Variants in PHAX observed in about 807,000 individuals in gnomAD.
PHAX encodes the protein phosphorylated adapter RNA export protein.
A neutral mutation model predicts 41.6 loss-of-function variants in PHAX; 31 were observed. The ratio of observed to expected loss-of-function variants is 0.75; its 90% confidence interval spans 0.56 to 1.01. The LOEUF is 1.01. PHAX is among the 50% of genes least tolerant of loss of function. PHAX has a pLI of 0.00. For synonymous variants in PHAX, 175 were observed against 164.9 expected (o/e 1.06, Z -0.47); for missense variants, 453 against 472.9 (o/e 0.96, Z 0.39).
chr5:126,614,784 T>G (rs1348448928), intron 3 of PHAX, among the ~76,000 whole-genome samples: 1 of 151,876 alleles, frequency 6.6e-6, no homozygotes, highest in Admixed American at 6.6e-5. Flanking sequence ...TGAGATGGAG[T>G]CTCGCTCTGT....
chr5:126,602,386 C>T (rs1010904486), intron 1 of PHAX, among the ~76,000 whole-genome samples: 1 of 152,216 alleles, frequency 6.6e-6, no homozygotes, highest in African/African-American at 2.4e-5. Context: ...GTTTATTTAG[C>T]CTCACTGCTT....
intron 2 of PHAX, among the ~76,000 whole-genome samples, chr5:126,607,468 G>A (rs1264059658): frequency 1.5e-5 from 2 of 130,532 alleles, no homozygotes; most frequent in African/African-American, 6.0e-5. Context: ...GTGCCATCTT[G>A]GCTCACTGCA....
At position 126,625,614 on chromosome 5, in the gene PHAX, C is replaced by T. The variant is rs933720533; in HGVS notation, c.*770C>T. The T allele has an allele frequency of 1.4e-5, 2 of 147,622 alleles. No homozygotes were observed. The highest frequency in any genetic ancestry group is 5.1e-5 in the African/African-American group (2 of 39,420). 9.1% of individuals were successfully genotyped at this position (147,622 alleles called of 1,614,324 possible). ...TCTGTCTCAAAAAAAAAAAAAAATACAATTAAGAGGTGTATACTGATGATT... is the reference window on the plus strand; with the variant it reads ...TCTGTCTCAAAAAAAAAAAAAAATATAATTAAGAGGTGTATACTGATGATT... On this transcript the variant is annotated 3_prime_UTR_variant, in exon 5 of 5. Coordinates refer to ENST00000297540, the MANE Select transcript of PHAX (RefSeq NM_032177.4).
intron 2 of PHAX, among the ~76,000 whole-genome samples, chr5:126,604,712 G>A (rs1751963148): frequency 6.6e-6 from 1 of 150,994 alleles, no homozygotes. Flanking sequence ...GGGACTACAG[G>A]CTCAGGCCAT....
At position 126,627,079 on chromosome 5, in the gene PHAX, C is replaced by T. The variant is rs1336576181; in HGVS notation, c.*2235C>T. 1 of 152,050 alleles carries T rather than the reference C, an allele frequency of 6.6e-6. No individual in the cohort carries two copies. The highest frequency in any genetic ancestry group is 2.4e-5 in the African/African-American group (1 of 41,384). The allele number at this position is 152,050 out of a possible 1,614,324, so 9.4% of individuals were successfully genotyped here. On this transcript the variant is annotated 3_prime_UTR_variant, in exon 5 of 5. Transcript: ENST00000297540. Reference sequence around the variant, plus strand: ...TTAAGCAGAAATGTTGTATATTAAGCAAAAATGTAAAATTCAGCAATTATA... The same window carrying T: ...TTAAGCAGAAATGTTGTATATTAAGTAAAAATGTAAAATTCAGCAATTATA...
chr5:126,623,749 C>A (rs1447416229), intron 4 of PHAX, among the ~76,000 whole-genome samples: 1 of 152,126 alleles, frequency 6.6e-6, no homozygotes, highest in African/African-American at 2.4e-5. Flanking sequence ...CTTCATCCCA[C>A]CATCTTCCAT....
At position 126,625,028 on chromosome 5, in the gene PHAX, C is replaced by T; in HGVS notation, c.*184C>T. On this transcript the variant is annotated 3_prime_UTR_variant, in exon 5 of 5. Coordinates refer to ENST00000297540, the MANE Select transcript of PHAX (RefSeq NM_032177.4). ...ATAGAACATTTAAAGATATATCTGA[C>T]AAAATACTTAAGAGTATATAGCACA... The T allele has an allele frequency of 3.4e-6, 2 of 584,002 alleles. No homozygotes were observed. Among genetic ancestry groups the T allele is most frequent in the Non-Finnish European group, 5.9e-6 (2 of 340,070 alleles). 36.2% of individuals were successfully genotyped at this position (584,002 alleles called of 1,614,324 possible).
At chr5:126,615,706 A>C (rs1200867091) in intron 3 of PHAX, among the ~76,000 whole-genome samples, 1 of 152,166 alleles carries the variant, frequency 6.6e-6, no homozygotes. Flanking sequence ...TTAATGAATC[A>C]ACAATATGTT....
intron 4 of PHAX, among the ~76,000 whole-genome samples, chr5:126,621,776 C>G (rs1752275937): frequency 6.6e-6 from 1 of 151,970 alleles, no homozygotes. Context: ...GAGTTAGATC[C>G]TTAACTTGGA....
chr5:126,607,130 C>A (rs1752002194), intron 2 of PHAX, among the ~76,000 whole-genome samples: 1 of 152,142 alleles, frequency 6.6e-6, no homozygotes, highest in Non-Finnish European at 1.5e-5. Context: ...AAGAGTAATG[C>A]AGGTGGTAGG....
chr5:126,616,997 A>T (rs1252766229), intron 3 of PHAX, among the ~76,000 whole-genome samples: 1 of 152,128 alleles, frequency 6.6e-6, no homozygotes. Context: ...TTGTTACCAT[A>T]TAGATTTTTT....
At position 126,604,051 on chromosome 5, in the gene PHAX, G is replaced by T. The variant is rs957526497; in HGVS notation, c.578G>T (p.Gly193Val). ...KKMGSKEEENGQGHLKRKRPV... is the reference protein window; with the variant it reads ...KKMGSKEEENVQGHLKRKRPV... ...ATGGGATCAAAGGAAGAGGAAAATG[G>T]GCAAGGTCATCTCAAAAGGAAACGA... Residue 193 changes from glycine to valine, a missense_variant, in exon 2 of 5, where the codon GGG becomes GTG. By Grantham distance (109) the Gly-to-Val change is moderately radical. Coordinates refer to ENST00000297540, the MANE Select transcript of PHAX (RefSeq NM_032177.4). 6 of 1,613,724 alleles carry T rather than the reference G, an allele frequency of 3.7e-6. No homozygotes were observed. The highest frequency in any genetic ancestry group is 1.7e-5 in the Admixed American group (1 of 59,904).
chr5:126,603,624 T>C lies in PHAX; in HGVS notation c.151T>C (p.Cys51Arg). Residue 51 changes from cysteine to arginine, a missense_variant, in exon 2 of 5, where the codon TGT becomes CGT. Physicochemically the swap from Cys to Arg is radical, Grantham distance 180 (BLOSUM62 -3). Coordinates refer to ENST00000297540, the MANE Select transcript of PHAX (RefSeq NM_032177.4). Reference sequence around the variant, plus strand: ...GGCCTTCCAGAACACGGCAACTGCATGTGCACCAGTATCACATTATCGAGC... The same window carrying C: ...GGCCTTCCAGAACACGGCAACTGCACGTGCACCAGTATCACATTATCGAGC... ...MRAFQNTATA[C>R]APVSHYRAVE... 6.2e-7 allele frequency: 1 copy of C among 1,614,190 alleles called. No homozygotes were observed.
intron 3 of PHAX, among the ~76,000 whole-genome samples, chr5:126,614,378 C>T (rs76787074): frequency 0.029 from 4,479 of 152,130 alleles, 224 homozygotes; most frequent in African/African-American, 0.1. Flanking sequence ...GGTATAATAC[C>T]CAACACCCAA....
intron 2 of PHAX, 109 bp downstream of exon 2, chr5:126,604,292 T>C (rs78426869): frequency 9.5e-7 from 1 of 1,058,010 alleles, no homozygotes; most frequent in East Asian, 2.7e-5. Flanking sequence ...TTTTTTTTTT[T>C]TGGAGACAGG....
At chr5:126,619,576 TAAA>T (rs11301205) in intron 4 of PHAX, among the ~76,000 whole-genome samples, 4 of 141,088 alleles carry the variant, frequency 2.8e-5, no homozygotes, top group Non-Finnish European at 4.7e-5. Context: ...ACTCTGTCTT[TAAA>T]AAAAAAAAAA....
At chr5:126,623,829 T>C (rs752644891) in intron 4 of PHAX, among the ~76,000 whole-genome samples, 10 of 152,136 alleles carry the variant, frequency 6.6e-5, no homozygotes, top group African/African-American at 9.7e-5. Context: ...CTGGCTTGGC[T>C]TGAGCTTTTT....
intron 1 of PHAX, among the ~76,000 whole-genome samples, chr5:126,601,420 C>G (rs1487849916): frequency 6.6e-6 from 1 of 152,184 alleles, no homozygotes; most frequent in Admixed American, 6.5e-5. Flanking sequence ...TCTTTCTTTT[C>G]TAAACTTGGG....
In PHAX at chr5:126,600,948, G is replaced by T; in HGVS notation, c.-15G>T. The T allele has an allele frequency of 6.3e-7, 1 of 1,589,778 alleles. No homozygotes were observed. Among genetic ancestry groups the T allele is most frequent in the Non-Finnish European group, 8.6e-7 (1 of 1,163,494 alleles). On this transcript the variant is annotated 5_prime_UTR_variant, in exon 1 of 5. Coordinates refer to ENST00000297540, the MANE Select transcript of PHAX (RefSeq NM_032177.4). ...TCCTGACCCGCCGCTGTGCAGCGCA[G>T]CGCACCGCGGGAAGATGGCGTTGGA...
Sources: allele counts gnomAD v4.1 joint callset (sites outside exome capture counted in the v4.1 genomes callset), GRCh38; gene constraint gnomAD v4.1.1; transcripts MANE v1.5; gene names NCBI Gene and HGNC (gene_info 2026-07-23, HGNC 2026-07-21).